Variants in THEMIS observed in about 807,000 individuals in gnomAD.
THEMIS encodes protein THEMIS.
Under a neutral mutation model 52.6 loss-of-function variants are expected in THEMIS, and 37 were observed. That is an observed-to-expected ratio of 0.70 (90% CI 0.54 to 0.93). The LOEUF (loss-of-function observed/expected upper bound fraction) is 0.93. THEMIS is among the 40% of genes least tolerant of loss of function. THEMIS has a pLI of 0.00. For synonymous variants in THEMIS, 292 were observed against 272.7 expected, an observed-to-expected ratio of 1.07 and a Z score of -0.70; for missense variants, 808 against 763.1, an observed-to-expected ratio of 1.06 and a Z score of -0.69.
At chr6:127,910,713 C>G (rs1394981192) in intron 1 of THEMIS, among the ~76,000 whole-genome samples, 2 of 152,142 alleles carry the variant, frequency 1.3e-5, no homozygotes. Context: ...ATACAAACAC[C>G]TGTTTCCTTT....
At chr6:127,908,670 C>G (rs1583418489) in intron 1 of THEMIS, among the ~76,000 whole-genome samples, 1 of 152,144 alleles carries the variant, frequency 6.6e-6, no homozygotes. Context: ...TTTTCCAGTT[C>G]TTCCCTTTAA....
At position 127,787,880 on chromosome 6, in the gene THEMIS, T is replaced by TATAGATAGATAG. The variant is rs1554224618; in HGVS notation, c.1758+24991_1758+25002dup. 3.1e-3 allele frequency among the ~76,000 whole-genome samples: 377 copies of TATAGATAGATAG among 119,990 alleles called. 2 individuals carry two copies. The highest frequency in any genetic ancestry group is 5.5e-3 in the East Asian group (24 of 4,346). 78.7% of individuals were successfully genotyped at this position (119,990 alleles called of 152,430 possible). ...ATAGATAGATAGATAGATAGATAGA[T>TATAGATAGATAG]ATAGATAGATAGATAGATAGATAGA... On this transcript the variant is annotated intron_variant, in intron 4 of 5. Transcript: ENST00000368248.
At chr6:127,718,748 C>A (rs1274277921) in intron 5 of THEMIS, among the ~76,000 whole-genome samples, 1 of 151,812 alleles carries the variant, frequency 6.6e-6, no homozygotes, top group Admixed American at 6.6e-5. Flanking sequence ...TTTCAAAGCC[C>A]TTTACAGAAT....
At chr6:127,873,765 T>C (rs1424358280) in intron 1 of THEMIS, among the ~76,000 whole-genome samples, 3 of 152,206 alleles carry the variant, frequency 2.0e-5, no homozygotes, top group Non-Finnish European at 2.9e-5. Context: ...AATTAACACA[T>C]ATTTTGTATG....
chr6:127,800,828 G>T (rs568029452), intron 4 of THEMIS, among the ~76,000 whole-genome samples: 12 of 152,252 alleles, frequency 7.9e-5, no homozygotes, highest in African/African-American at 2.9e-4. Context: ...TTTTGGAATT[G>T]GACTGGCTCT....
intron 4 of THEMIS, among the ~76,000 whole-genome samples, chr6:127,774,182 C>A (rs1776478960): frequency 6.6e-6 from 1 of 152,318 alleles, no homozygotes; most frequent in South Asian, 2.1e-4. Flanking sequence ...CAGAACCTAC[C>A]AGTCCTTCTT....
intron 5 of THEMIS, among the ~76,000 whole-genome samples, chr6:127,716,027 A>G (rs1486417984): frequency 2.0e-5 from 3 of 151,876 alleles, no homozygotes; most frequent in Non-Finnish European, 4.4e-5. Flanking sequence ...CTACTTGACT[A>G]GTCTAATTTA....
At chr6:127,701,007 G>T in the THEMIS span, among the ~76,000 whole-genome samples, 1 of 151,994 alleles carries the variant, frequency 6.6e-6, no homozygotes, top group African/African-American at 2.4e-5. Context: ...TTACCGTTCT[G>T]TTGCTTTATT....
intron 1 of THEMIS, among the ~76,000 whole-genome samples, chr6:127,869,024 G>A (rs1179603979): frequency 1.3e-5 from 2 of 152,024 alleles, no homozygotes; most frequent in Non-Finnish European, 1.5e-5. Flanking sequence ...ACAAATATAC[G>A]ATTGCAAAGT....
intron 4 of THEMIS, among the ~76,000 whole-genome samples, chr6:127,782,874 A>G (rs1349304371): frequency 6.6e-6 from 1 of 152,220 alleles, no homozygotes; most frequent in Non-Finnish European, 1.5e-5. Context: ...TCTTCACAGA[A>G]TTAGAAAAAA....
At chr6:127,697,641 A>T in the THEMIS span, among the ~76,000 whole-genome samples, 2 of 152,050 alleles carry the variant, frequency 1.3e-5, no homozygotes, top group Non-Finnish European at 2.9e-5. Context: ...TGAACATGTC[A>T]TGTATGTTTT....
chr6:127,807,900 C>T (rs138002602), intron 4 of THEMIS, among the ~76,000 whole-genome samples: 2 of 152,292 alleles, frequency 1.3e-5, no homozygotes, highest in East Asian at 3.9e-4. Context: ...AATTTAGCAC[C>T]AGCAGCAGCT....
downstream of THEMIS, chr6:127,708,139 A>G (rs1019546038): frequency 2.0e-5 from 3 of 152,108 alleles, no homozygotes; most frequent in Non-Finnish European, 2.9e-5. Flanking sequence ...GAATATTTTA[A>G]CTTAATCGTT....
intron 1 of THEMIS, among the ~76,000 whole-genome samples, chr6:127,873,524 C>A (rs895289401): frequency 6.6e-6 from 1 of 152,088 alleles, no homozygotes; most frequent in Non-Finnish European, 1.5e-5. Flanking sequence ...GACAAATTTG[C>A]AAAAGCAATT....
chr6:127,773,051 A>C (rs553503912), intron 4 of THEMIS, among the ~76,000 whole-genome samples: 99 of 152,320 alleles, frequency 6.5e-4, no homozygotes, highest in African/African-American at 2.2e-3. Flanking sequence ...CTAAGTACCT[A>C]AAGCATCTAA....
chr6:127,749,664 T>C (rs1191716089), intron 4 of THEMIS, among the ~76,000 whole-genome samples: 2 of 151,796 alleles, frequency 1.3e-5, no homozygotes, highest in East Asian at 1.9e-4. Context: ...CCCAATTAAA[T>C]AATCTTATTC....
At chr6:127,800,220 T>C (rs2114557556) in intron 4 of THEMIS, among the ~76,000 whole-genome samples, 1 of 152,328 alleles carries the variant, frequency 6.6e-6, no homozygotes, top group Non-Finnish European at 1.5e-5. Context: ...GATTCATTGT[T>C]GGCACTCAGC....
At chr6:127,750,081 T>C (rs1224928466) in intron 4 of THEMIS, among the ~76,000 whole-genome samples, 1 of 150,068 alleles carries the variant, frequency 6.7e-6, no homozygotes, top group Non-Finnish European at 1.5e-5. Flanking sequence ...TTCATTATAA[T>C]CATTGTTATT....
intron 4 of THEMIS, among the ~76,000 whole-genome samples, chr6:127,768,175 A>G (rs1360059432): frequency 1.3e-5 from 2 of 152,328 alleles, no homozygotes; most frequent in East Asian, 3.9e-4. Context: ...TTTTTAATTC[A>G]CACAGATTAT....
Sources: gnomAD v4.1 joint callset for allele counts (sites outside exome capture counted in the v4.1 genomes callset) on GRCh38, gnomAD v4.1.1 for gene constraint, MANE v1.5 for transcripts, NCBI Gene and HGNC (gene_info 2026-07-23, HGNC 2026-07-21) for gene names.